Variants in LHFPL3 observed in about 807,000 individuals in gnomAD.
LHFPL3 encodes the protein LHFPL tetraspan subfamily member 3.
In LHFPL3, 5 loss-of-function variants were observed where a neutral mutation model predicts 19.3. That is an observed-to-expected ratio of 0.26 (90% CI 0.14 to 0.54). The LOEUF (loss-of-function observed/expected upper bound fraction) is 0.54, where lower values mean the gene tolerates loss of function less well. LHFPL3 is among the 20% of genes least tolerant of loss of function. LHFPL3 has a pLI of 0.94. For synonymous variants in LHFPL3, 133 were observed against 126.2 expected, an observed-to-expected ratio of 1.05 and a Z score of -0.36; for missense variants, 249 against 307.4, an observed-to-expected ratio of 0.81 and a Z score of 1.42.
At chr7:104,744,534 G>A (rs915588439) in intron 2 of LHFPL3, among the ~76,000 whole-genome samples, 5 of 152,124 alleles carry the variant, frequency 3.3e-5, no homozygotes, top group Non-Finnish European at 7.4e-5. Context: ...TCTGAGAGTT[G>A]GAGCTGACCT....
intron 2 of LHFPL3, among the ~76,000 whole-genome samples, chr7:104,748,483 G>A (rs1794092998): frequency 8.1e-6 from 1 of 123,568 alleles, no homozygotes. Context: ...CATCTACTGA[G>A]ATAGGGGAAA....
At chr7:104,705,221 T>C (rs1387490688) in intron 1 of LHFPL3, among the ~76,000 whole-genome samples, 3 of 152,224 alleles carry the variant, frequency 2.0e-5, no homozygotes, top group African/African-American at 4.8e-5. Flanking sequence ...CTTAAGTCTA[T>C]CTTCAGAGAA....
At chr7:104,691,230 C>T (rs989259984) in intron 1 of LHFPL3, among the ~76,000 whole-genome samples, 2 of 152,146 alleles carry the variant, frequency 1.3e-5, no homozygotes, top group Non-Finnish European at 2.9e-5. Flanking sequence ...GTGGCACAAA[C>T]GTAATTGGGC....
At chr7:104,402,898 G>T (rs1318285344) in intron 1 of LHFPL3, among the ~76,000 whole-genome samples, 1 of 152,166 alleles carries the variant, frequency 6.6e-6, no homozygotes, top group Non-Finnish European at 1.5e-5. Flanking sequence ...GATTCCAAAT[G>T]ATATATAATG....
At chr7:104,733,555 C>T (rs1373985648) in intron 1 of LHFPL3, among the ~76,000 whole-genome samples, 2 of 151,980 alleles carry the variant, frequency 1.3e-5, no homozygotes. Context: ...CCCTCCCTTT[C>T]TTTGTTTTCC....
At chr7:104,393,059 A>G (rs1791110056) in intron 1 of LHFPL3, among the ~76,000 whole-genome samples, 2 of 152,242 alleles carry the variant, frequency 1.3e-5, no homozygotes. Context: ...CAATAAGCAT[A>G]TGGCAAGATG....
chr7:104,663,635 G>A (rs1274550199), intron 1 of LHFPL3, among the ~76,000 whole-genome samples: 1 of 152,184 alleles, frequency 6.6e-6, no homozygotes, highest in Non-Finnish European at 1.5e-5. Context: ...TTATGCCAAA[G>A]GTATATGCCA....
intron 1 of LHFPL3, among the ~76,000 whole-genome samples, chr7:104,662,334 T>A (rs1792238751): frequency 6.6e-6 from 1 of 152,188 alleles, no homozygotes; most frequent in South Asian, 2.1e-4. Context: ...ATGCTAGTAG[T>A]CATAGTATGC....
At chr7:104,820,042 T>G (rs981286439) in intron 2 of LHFPL3, among the ~76,000 whole-genome samples, 2 of 152,212 alleles carry the variant, frequency 1.3e-5, no homozygotes, top group Non-Finnish European at 2.9e-5. Context: ...GGCTCCATGA[T>G]TATATTATTG....
chr7:104,544,222 A>C (rs1482946349), intron 1 of LHFPL3, among the ~76,000 whole-genome samples: 2 of 152,128 alleles, frequency 1.3e-5, no homozygotes, highest in African/African-American at 4.8e-5. Flanking sequence ...AGTCCCTTTC[A>C]GTAATTATTC....
intron 2 of LHFPL3, among the ~76,000 whole-genome samples, chr7:104,749,850 G>T (rs1794128161): frequency 6.6e-6 from 1 of 152,188 alleles, no homozygotes; most frequent in African/African-American, 2.4e-5. Flanking sequence ...ATGGGTTTAG[G>T]AGGCTCTACA....
chr7:104,543,947 A>G (rs1794534996), intron 1 of LHFPL3, among the ~76,000 whole-genome samples: 1 of 149,852 alleles, frequency 6.7e-6, no homozygotes, highest in South Asian at 2.1e-4. Flanking sequence ...CCTAGATGAC[A>G]GGTTGATAGG....
intron 1 of LHFPL3, among the ~76,000 whole-genome samples, chr7:104,690,685 C>T (rs944892676): frequency 5.3e-5 from 8 of 152,214 alleles, no homozygotes; most frequent in African/African-American, 1.9e-4. Flanking sequence ...GGATAAGTTG[C>T]TACATTTGGT....
rs767413952 is a variant in LHFPL3, at chr7:104,604,404, G to A, written c.446-132271G>A. ...AGAGCTCTGGGCCTGTGATGGGAGGGGCAGCCTCAAAGAGCTCTGAAATGC... is the reference window on the plus strand; with the variant it reads ...AGAGCTCTGGGCCTGTGATGGGAGGAGCAGCCTCAAAGAGCTCTGAAATGC... On this transcript the variant is annotated intron_variant, in intron 1 of 2. Coordinates refer to ENST00000424859, the MANE Select transcript of LHFPL3 (RefSeq NM_199000.3). Among the ~76,000 whole-genome samples, 44 of 152,242 alleles carry A rather than the reference G, an allele frequency of 2.9e-4. 1 individual carries two copies. The highest frequency in any genetic ancestry group is 5.2e-4 in the Admixed American group (8 of 15,294).
At chr7:104,687,545 T>C (rs1792829586) in intron 1 of LHFPL3, among the ~76,000 whole-genome samples, 1 of 152,212 alleles carries the variant, frequency 6.6e-6, no homozygotes, top group Non-Finnish European at 1.5e-5. Flanking sequence ...TGAAGTTATT[T>C]AGGGGCCCTA....
intron 2 of LHFPL3, among the ~76,000 whole-genome samples, chr7:104,840,699 A>G (rs1791185909): frequency 6.6e-6 from 1 of 151,750 alleles, no homozygotes. Flanking sequence ...TTGAAGGAAA[A>G]TCAGTCAATA....
intron 1 of LHFPL3, among the ~76,000 whole-genome samples, chr7:104,565,756 TATCTATCTATCTATCTA>T (rs1482421665): frequency 3.1e-4 from 46 of 148,048 alleles, no homozygotes; most frequent in Non-Finnish European, 6.3e-4. Context: ...TCTATCTATC[TATCTATCTATCTATCTA>T]ATCTATCTAT....
At chr7:104,486,787 T>C (rs1793245382) in intron 1 of LHFPL3, among the ~76,000 whole-genome samples, 1 of 152,202 alleles carries the variant, frequency 6.6e-6, no homozygotes. Context: ...TTTCTTCCTT[T>C]GCTTTCTTTA....
intron 1 of LHFPL3, among the ~76,000 whole-genome samples, chr7:104,439,550 A>G (rs1792176378): frequency 6.6e-6 from 1 of 152,140 alleles, no homozygotes; most frequent in East Asian, 1.9e-4. Context: ...CCATATGATT[A>G]TCTCATTACA....
Sources: gnomAD v4.1 joint callset for allele counts (sites outside exome capture counted in the v4.1 genomes callset) on GRCh38, gnomAD v4.1.1 for gene constraint, MANE v1.5 for transcripts, NCBI Gene and HGNC (gene_info 2026-07-23, HGNC 2026-07-21) for gene names.